The following TNRC18 variants were observed in gnomAD, a reference collection of about 807,000 sequenced individuals.
The protein encoded by TNRC18 is trinucleotide repeat containing 18.
Under a neutral mutation model 226.7 loss-of-function variants are expected in TNRC18, and 69 were observed. The observed-to-expected ratio is 0.30, with a 90% confidence interval of 0.25 to 0.37. The LOEUF is 0.37. TNRC18 is among the 10% of genes least tolerant of loss of function. The pLI is 1.00. For missense variants in TNRC18, 4,754 were observed against 4,256.6 expected, an observed-to-expected ratio of 1.12 and a Z score of -3.25; for synonymous variants, 2,449 against 1,927.6, an observed-to-expected ratio of 1.27 and a Z score of -7.09.
Position 5,352,348 on chromosome 7 carries a change from C to A in TNRC18, c.5195-254G>T, listed in dbSNP as rs535946245. ...GTGCTGGACCCAGGCCCTTCCTAGA[C>A]TGGATGCTGCCAGCCTCACCCACCA... is the stretch of plus-strand genomic sequence containing the variant. On this transcript the variant is annotated intron_variant, in intron 16 of 29. Coordinates refer to ENST00000430969, the MANE Select transcript of TNRC18 (RefSeq NM_001080495.3). Among the ~76,000 whole-genome samples, 3 of 151,436 alleles carry A rather than the reference C, an allele frequency of 2.0e-5. No homozygotes were observed. In the East Asian group the frequency reaches 5.8e-4, roughly 29 times the overall value.
chr7:5,359,287 TA>T, intron 15 of TNRC18, 110 bp downstream of exon 15: 1 of 1,134,448 alleles, frequency 8.8e-7, no homozygotes, highest in Non-Finnish European at 1.3e-6. Context: ...CAACCACTTC[TA>T]AGGTTTCTGT....
intron 18 of TNRC18, 33 bp from the exon 19 acceptor site, chr7:5,333,082 C>A (rs1306612277): frequency 6.5e-7 from 1 of 1,544,542 alleles, no homozygotes; most frequent in Non-Finnish European, 8.7e-7. Context: ...CTGGTCACAG[C>A]CTCGTGGGGA....
rs529059791 is a variant in TNRC18, at chr7:5,312,080, A to G, written c.8388+423T>C. ...GAACCCGGGAGGCAGAGGGTGCAGTAAGCCAAGATCACACCACCACACTCC... is the reference window on the plus strand; with the variant it reads ...GAACCCGGGAGGCAGAGGGTGCAGTGAGCCAAGATCACACCACCACACTCC... On this transcript the variant is annotated intron_variant, in intron 27 of 29. Coordinates refer to ENST00000430969, the MANE Select transcript of TNRC18 (RefSeq NM_001080495.3). The surrounding 1 kb of genome is among the most constrained non-coding windows in gnomAD (Gnocchi z 6.3). Among the ~76,000 whole-genome samples, 5 of 152,064 alleles carry G rather than the reference A, an allele frequency of 3.3e-5. No homozygotes were observed. The highest frequency in any genetic ancestry group is 7.4e-5 in the Non-Finnish European group (5 of 68,008).
At chr7:5,352,905 T>C (rs1791975665) in intron 16 of TNRC18, among the ~76,000 whole-genome samples, 1 of 152,152 alleles carries the variant, frequency 6.6e-6, no homozygotes, top group Non-Finnish European at 1.5e-5. Flanking sequence ...TCTGCTGAAA[T>C]CCACTCCAGA....
chr7:5,358,244 C>T (rs1447534899), intron 15 of TNRC18, among the ~76,000 whole-genome samples: 1 of 152,216 alleles, frequency 6.6e-6, no homozygotes, highest in Non-Finnish European at 1.5e-5. Context: ...AGATTAAATT[C>T]CTGCCTGCAT....
intron 11 of TNRC18, among the ~76,000 whole-genome samples, chr7:5,367,107 G>A (rs916012740): frequency 5.3e-5 from 8 of 152,160 alleles, no homozygotes; most frequent in African/African-American, 1.9e-4. Context: ...ACTTACACTT[G>A]TAATCCCAGC....
Position 5,388,248 on chromosome 7 carries a change from G to C in TNRC18, c.1576C>G (p.Leu526Val). 6.2e-7 allele frequency: 1 copy of C among 1,607,444 alleles called. No homozygotes were observed. ...CGGCTGTGGTGGTGCTGCGCGGCCA[G>C]CACGGCCATCTGCGTGGCGGCGAAG... ...GNFAATQMAV[L>V]AAQHHHSRAE... Residue 526 changes from leucine (L) to valine (V), a missense_variant, in exon 5 of 30, where the codon CTG (leucine) becomes GTG (valine). Coordinates refer to ENST00000430969, the MANE Select transcript of TNRC18 (RefSeq NM_001080495.3).
At chr7:5,356,645 G>A (rs541763906) in intron 16 of TNRC18, among the ~76,000 whole-genome samples, 2 of 152,288 alleles carry the variant, frequency 1.3e-5, no homozygotes, top group Admixed American at 1.3e-4. Flanking sequence ...GGCGGAGGTC[G>A]GCTCCCAACC....
At chr7:5,386,196 G>A (rs1029857951) in intron 5 of TNRC18, among the ~76,000 whole-genome samples, 4 of 151,702 alleles carry the variant, frequency 2.6e-5, no homozygotes, top group African/African-American at 4.8e-5. Flanking sequence ...GCTGAGGCAG[G>A]AGAATCGCTT....
chr7:5,368,472 G>A (rs1793840455), intron 11 of TNRC18, among the ~76,000 whole-genome samples: 4 of 152,024 alleles, frequency 2.6e-5, no homozygotes, highest in Admixed American at 2.0e-4. Flanking sequence ...AGACCAGCCT[G>A]GCCAACATGG....
intron 1 of TNRC18, 107 bp downstream of exon 1, chr7:5,423,334 A>AT (rs909625150): frequency 6.7e-6 from 1 of 149,690 alleles, no homozygotes; most frequent in African/African-American, 2.5e-5. Flanking sequence ...AGTAGCGGGG[A>AT]TCCCCCCCCG....
intron 2 of TNRC18, among the ~76,000 whole-genome samples, chr7:5,417,548 A>T (rs1782267142): frequency 6.6e-6 from 1 of 152,224 alleles, no homozygotes; most frequent in African/African-American, 2.4e-5. Context: ...CCGGAAGAAC[A>T]TGAGCTCCAA....
At chr7:5,365,230 G>C (rs991044658) in intron 11 of TNRC18, among the ~76,000 whole-genome samples, 6 of 152,168 alleles carry the variant, frequency 3.9e-5, no homozygotes, top group Admixed American at 1.3e-4. Context: ...CCCTGCCTCA[G>C]CCTCCTGAGT....
At position 5,371,145 on chromosome 7, in the gene TNRC18, T is replaced by C; in HGVS notation, c.3449A>G (p.Glu1150Gly). The change falls in exon 11 of 30, where the codon GAA (glutamate) becomes GGA (glycine). Residue 1150 changes from glutamate (E) to glycine (G), a missense_variant. Glu to Gly is a moderately conservative substitution (Grantham distance 98). Coordinates refer to ENST00000430969, the MANE Select transcript of TNRC18 (RefSeq NM_001080495.3). ...ITEPLREGPE[E>G]EPLAEREVKA... ...CACCTCCCGCTCAGCCAGCGGTTCTTCCTCCGGGCCCTCCCGCAGCGGCTC... is the reference window on the plus strand; with the variant it reads ...CACCTCCCGCTCAGCCAGCGGTTCTCCCTCCGGGCCCTCCCGCAGCGGCTC... 1 of 1,610,162 alleles carries C rather than the reference T, an allele frequency of 6.2e-7. No homozygotes were observed. Among genetic ancestry groups the C allele is most frequent in the South Asian group, 1.1e-5 (1 of 90,964 alleles).
chr7:5,314,920 CCT>C lies in TNRC18; in HGVS notation c.7027+62_7027+63del, dbSNP rs1162268731. The C allele has an allele frequency of 4.0e-6, 6 of 1,507,110 alleles. No individual in the cohort carries two copies. In the African/African-American group the frequency reaches 5.6e-5, roughly 14 times the overall value. 93.4% of individuals were successfully genotyped at this position (1,507,110 alleles called of 1,614,324 possible). A position where few individuals can be genotyped will look rare whatever the true frequency, so the allele number is the denominator to read the frequency against. On this transcript the variant is annotated intron_variant, in intron 26 of 29. Coordinates refer to ENST00000430969, the MANE Select transcript of TNRC18 (RefSeq NM_001080495.3). The stretch of plus-strand genomic sequence containing the variant: ...CAGGCACTTCGGCAGGTTCCCAAGC[CCT>C]GAGTTTGGATGCACGAAGGAGATCC...
At chr7:5,374,951 G>A (rs997513089) in intron 9 of TNRC18, among the ~76,000 whole-genome samples, 1 of 152,212 alleles carries the variant, frequency 6.6e-6, no homozygotes, top group African/African-American at 2.4e-5. Context: ...TGTCTTTTAT[G>A]AGGAAATGGG....
At chr7:5,325,428 GT>G (rs541568896) in intron 19 of TNRC18, 180 bp from the exon 20 acceptor site, 11,453 of 457,302 alleles carry the variant, frequency 0.025, 1 homozygote, top group East Asian at 0.064. Context: ...GTTTTTTTTT[GT>G]TTTTTTTTTT....
At chr7:5,345,508 A>G in intron 18 of TNRC18, 54 bp downstream of exon 18, 1 of 510,470 alleles carries the variant, frequency 2.0e-6, no homozygotes, top group Non-Finnish European at 3.7e-6. Context: ...GGATGGGGCA[A>G]TGGCGTCCGC....
At position 5,374,159 on chromosome 7, in the gene TNRC18, GTGGGC is replaced by G; in HGVS notation, c.3120_3124del (p.Thr1042GlyfsTer70). On this transcript the variant is annotated frameshift_variant, in exon 10 of 30. Coordinates refer to ENST00000430969, the MANE Select transcript of TNRC18 (RefSeq NM_001080495.3). LOFTEE classifies it high-confidence loss of function. The stretch of plus-strand genomic sequence containing the variant: ...CTCCTCCTTGCGGGTGATACCCGGG[GTGGGC>G]GGTGGGGAGGCGGGCGGCGGGCTGG... 3.3e-6 allele frequency: 5 copies of G among 1,492,886 alleles called. No individual in the cohort carries two copies. The highest frequency in any genetic ancestry group is 1.8e-6 in the Non-Finnish European group (2 of 1,124,740). 92.5% of individuals were successfully genotyped at this position (1,492,886 alleles called of 1,614,324 possible).
Sources: gnomAD v4.1 joint callset for allele counts (sites outside exome capture counted in the v4.1 genomes callset) on GRCh38, gnomAD v4.1.1 for gene constraint, Gnocchi (gnomAD v3.1) non-coding constraint, MANE v1.5 for transcripts, NCBI Gene and HGNC (gene_info 2026-07-23, HGNC 2026-07-21) for gene names.